The following TENM4 variants were observed in gnomAD, a reference collection of about 807,000 sequenced individuals.
TENM4 encodes teneurin-4.
TENM4 carries 82 observed loss-of-function variants against 243.3 expected under a neutral mutation model. The observed-to-expected ratio is 0.34, with a 90% CI of 0.28 to 0.40. The LOEUF (loss-of-function observed/expected upper bound fraction) is 0.40, where lower values mean the gene tolerates loss of function less well. Among genes scored for constraint, TENM4 ranks in the 10% least tolerant of loss-of-function variants. TENM4 has a pLI of 1.00. For missense variants in TENM4, 3,138 were observed against 3,673.3 expected, an observed-to-expected ratio of 0.85 and a Z score of 3.77; for synonymous variants, 1,412 against 1,456.3, an observed-to-expected ratio of 0.97 and a Z score of 0.69.
intron 19 of TENM4, among the ~76,000 whole-genome samples, chr11:78,739,951 C>G (rs1855883015): frequency 6.6e-6 from 1 of 152,204 alleles, no homozygotes; most frequent in Admixed American, 6.5e-5. Flanking sequence ...CCCACTCTAA[C>G]CAGTCACTTG....
At chr11:78,813,675 G>T (rs182033898) in intron 13 of TENM4, among the ~76,000 whole-genome samples, 1 of 152,354 alleles carries the variant, frequency 6.6e-6, no homozygotes, top group Non-Finnish European at 1.5e-5. Context: ...TTCCAGGACA[G>T]AAATGATGGC....
At chr11:78,899,262 A>G (rs529813251) in intron 7 of TENM4, among the ~76,000 whole-genome samples, 67 of 152,202 alleles carry the variant, frequency 4.4e-4, no homozygotes, top group African/African-American at 1.6e-3. Flanking sequence ...AGAGGATGCT[A>G]TAGTTTGGAT....
chr11:79,286,078 G>C (rs1363586604), intron 2 of TENM4, among the ~76,000 whole-genome samples: 1 of 152,170 alleles, frequency 6.6e-6, no homozygotes, highest in African/African-American at 2.4e-5. Context: ...ACGTATGCAA[G>C]AAAGAGGCTA....
intron 6 of TENM4, among the ~76,000 whole-genome samples, chr11:79,059,568 G>A (rs1472057109): frequency 6.6e-6 from 1 of 152,214 alleles, no homozygotes; most frequent in Admixed American, 6.5e-5. Flanking sequence ...AAGATGGCAT[G>A]CTGTTTTTGT....
intron 1 of TENM4, among the ~76,000 whole-genome samples, chr11:79,418,460 A>C (rs907241202): frequency 1.3e-5 from 2 of 152,242 alleles, no homozygotes; most frequent in Non-Finnish European, 2.9e-5. Flanking sequence ...ATAGCCAATC[A>C]TGTGGCTTAC....
chr11:79,419,343 G>A (rs775869844), intron 1 of TENM4, among the ~76,000 whole-genome samples: 2 of 152,150 alleles, frequency 1.3e-5, no homozygotes, highest in Non-Finnish European at 1.5e-5. Flanking sequence ...CTTGGGAACA[G>A]GGCAGTCGAG....
At chr11:79,215,301 G>A (rs1864027212) in intron 3 of TENM4, among the ~76,000 whole-genome samples, 1 of 152,210 alleles carries the variant, frequency 6.6e-6, no homozygotes, top group Non-Finnish European at 1.5e-5. Context: ...TTAGGCACTA[G>A]ACCTGGCCTC....
chr11:78,971,025 A>G (rs892348574), intron 6 of TENM4, among the ~76,000 whole-genome samples: 20 of 151,996 alleles, frequency 1.3e-4, no homozygotes, highest in African/African-American at 4.6e-4. Context: ...TAAAAAATTT[A>G]TTTTAGAGCT....
At chr11:79,104,821 T>C (rs1329205335) in intron 4 of TENM4, among the ~76,000 whole-genome samples, 3 of 152,202 alleles carry the variant, frequency 2.0e-5, no homozygotes, top group Non-Finnish European at 4.4e-5. Flanking sequence ...CACAAAGCAC[T>C]TTACAAGGCT....
chr11:79,025,259 T>C (rs539052249), intron 6 of TENM4, among the ~76,000 whole-genome samples: 1 of 134,448 alleles, frequency 7.4e-6, no homozygotes, highest in East Asian at 2.0e-4. Flanking sequence ...GGCATAACAC[T>C]GGAATGAATG....
chr11:79,171,149 C>T (rs548309648), intron 3 of TENM4, among the ~76,000 whole-genome samples: 2 of 152,198 alleles, frequency 1.3e-5, no homozygotes, highest in African/African-American at 4.8e-5. Context: ...AAGATAAAAG[C>T]CCAGAGAGGG....
chr11:79,220,675 G>A (rs1938944), intron 2 of TENM4, among the ~76,000 whole-genome samples: 68,194 of 152,018 alleles, frequency 0.45, 17,569 homozygotes, highest in East Asian at 0.97. Flanking sequence ...AGCTATTCCT[G>A]TCCTTCAGCT....
chr11:78,660,767 A>C (rs1485633140), intron 33 of TENM4, among the ~76,000 whole-genome samples: 5 of 152,150 alleles, frequency 3.3e-5, no homozygotes, highest in Non-Finnish European at 5.9e-5. Context: ...TTGGGGTAGT[A>C]GGGAGGGGAG....
intron 1 of TENM4, among the ~76,000 whole-genome samples, chr11:79,326,750 C>T (rs765332611): frequency 2.0e-5 from 3 of 152,130 alleles, no homozygotes; most frequent in East Asian, 1.9e-4. Context: ...CTCTTTGTCC[C>T]GTTCCCTAGA....
chr11:78,813,100 T>C (rs1341179699), intron 13 of TENM4, among the ~76,000 whole-genome samples: 1 of 152,198 alleles, frequency 6.6e-6, no homozygotes, highest in Non-Finnish European at 1.5e-5. Flanking sequence ...CCACCTGGCT[T>C]CTTTCCTTTT....
chr11:78,666,926 A>AATATTTTGG (rs1858171882), intron 32 of TENM4, among the ~76,000 whole-genome samples: 1 of 152,180 alleles, frequency 6.6e-6, no homozygotes, highest in South Asian at 2.1e-4. Context: ...GGGAGGGAGT[A>AATATTTTGG]ATATTTTGGA....
intron 6 of TENM4, among the ~76,000 whole-genome samples, chr11:79,062,938 C>T (rs989702222): frequency 6.6e-6 from 1 of 152,018 alleles, no homozygotes; most frequent in African/African-American, 2.4e-5. Context: ...GGTTTCCCAC[C>T]AGAGAGAGGG....
At chr11:78,975,617 C>T (rs371881532) in intron 6 of TENM4, among the ~76,000 whole-genome samples, 16 of 64,954 alleles carry the variant, frequency 2.5e-4, no homozygotes, top group African/African-American at 5.4e-4. Flanking sequence ...CACACACACA[C>T]ATATATATAT....
intron 24 of TENM4, among the ~76,000 whole-genome samples, chr11:78,721,999 T>C (rs1163654247): frequency 6.6e-6 from 1 of 152,076 alleles, no homozygotes; most frequent in African/African-American, 2.4e-5. Context: ...GCTCCATCAC[T>C]CAGGGTCAGG....
Sources: allele counts gnomAD v4.1 joint callset (sites outside exome capture counted in the v4.1 genomes callset), GRCh38; gene constraint gnomAD v4.1.1; transcripts MANE v1.5; gene names NCBI Gene and HGNC (gene_info 2026-07-23, HGNC 2026-07-21).